The following DMD variants were observed in gnomAD, a reference collection of about 807,000 sequenced individuals.
The protein encoded by DMD is dystrophin.
DMD carries 63 observed loss-of-function variants against 330.1 expected under a neutral mutation model. The ratio of observed to expected loss-of-function variants is 0.19; its 90% CI spans 0.16 to 0.24. The LOEUF (loss-of-function observed/expected upper bound fraction) is 0.24, where lower values mean the gene tolerates loss of function less well. Among genes scored for constraint, DMD ranks in the 10% least tolerant of loss-of-function variants. The probability of loss-of-function intolerance (pLI) is 1.00; values close to 1 mark genes in which losing one functional copy is unlikely to be tolerated. For synonymous variants in DMD, 1,223 were observed against 959.8 expected (o/e 1.27, Z -5.07); for missense variants, 3,344 against 2,684.1 (o/e 1.25, Z -5.43).
intron 52 of DMD, among the ~76,000 whole-genome samples, chrX:31,725,856 A>C (rs1338289013): frequency 8.9e-6 from 1 of 112,650 alleles, no homozygotes; most frequent in Non-Finnish European, 1.9e-5. Flanking sequence ...AAGCAGTTTT[A>C]TCTTTCCAAA....
intron 1 of DMD, among the ~76,000 whole-genome samples, chrX:33,045,388 AGTAAG>A (rs962530385): frequency 8.3e-5 from 9 of 108,340 alleles, no homozygotes; most frequent in African/African-American, 3.0e-4. Context: ...ATCCTTTGCA[AGTAAG>A]GTAAGTTAGG....
At chrX:31,294,885 G>C (rs761791470) in intron 62 of DMD, among the ~76,000 whole-genome samples, 3 of 112,460 alleles carry the variant, frequency 2.7e-5, no homozygotes, top group Non-Finnish European at 5.6e-5. Context: ...TGATTGAAGA[G>C]TGCAGATCCA....
chrX:33,278,517 C>G (rs1396142882), intron 1 of DMD, among the ~76,000 whole-genome samples: 1 of 111,538 alleles, frequency 9.0e-6, no homozygotes, highest in Non-Finnish European at 1.9e-5. Flanking sequence ...TGATTTTTTT[C>G]TTTTTTTATT....
At chrX:31,765,014 C>A (rs886202659) in intron 51 of DMD, among the ~76,000 whole-genome samples, 1 of 107,058 alleles carries the variant, frequency 9.3e-6, no homozygotes, top group South Asian at 4.1e-4. Flanking sequence ...TTAATGAATT[C>A]TTTAAAAATC....
chrX:32,673,131 A>G (rs1224930360), intron 9 of DMD, among the ~76,000 whole-genome samples: 3 of 111,096 alleles, frequency 2.7e-5, no homozygotes, highest in Non-Finnish European at 3.8e-5. Context: ...ACATCATTCT[A>G]GTTTATATGG....
intron 7 of DMD, among the ~76,000 whole-genome samples, chrX:32,717,917 G>C (rs1254679685): frequency 9.0e-6 from 1 of 111,460 alleles, no homozygotes; most frequent in Non-Finnish European, 1.9e-5. Context: ...CACAGGGCCT[G>C]TAACCCCTTT....
chrX:31,319,514 G>C (rs988975452), intron 62 of DMD, among the ~76,000 whole-genome samples: 1 of 112,140 alleles, frequency 8.9e-6, no homozygotes, highest in Admixed American at 9.5e-5. Context: ...CTGAAGTGGG[G>C]AATAGGAAAA....
chrX:32,436,953 T>C (rs867436151), intron 29 of DMD, among the ~76,000 whole-genome samples: 1 of 103,661 alleles, frequency 9.6e-6, no homozygotes, highest in Non-Finnish European at 2.0e-5. Flanking sequence ...ACCCTGTCTT[T>C]AAAAAAAAAA....
intron 51 of DMD, among the ~76,000 whole-genome samples, chrX:31,772,770 C>T (rs1051820935): frequency 6.3e-5 from 7 of 111,471 alleles, no homozygotes; most frequent in African/African-American, 9.8e-5. Context: ...AAAAATGTGG[C>T]TATAATTACT....
At chrX:33,063,713 C>T (rs1013596259) in intron 1 of DMD, among the ~76,000 whole-genome samples, 1 of 110,957 alleles carries the variant, frequency 9.0e-6, no homozygotes, top group Admixed American at 9.7e-5. Flanking sequence ...ACATCAGAAC[C>T]ACCTAGAGAG....
chrX:33,180,245 C>T (rs563558704), intron 1 of DMD, among the ~76,000 whole-genome samples: 153 of 112,060 alleles, frequency 1.4e-3, no homozygotes, highest in African/African-American at 4.7e-3. Context: ...ATATTTATCA[C>T]GCACTTTTTA....
intron 44 of DMD, among the ~76,000 whole-genome samples, chrX:32,163,406 A>T (rs1873058599): frequency 1.8e-5 from 2 of 112,018 alleles, no homozygotes; most frequent in African/African-American, 6.5e-5. Flanking sequence ...TCCCCAAATG[A>T]GTTTACTTAG....
intron 59 of DMD, among the ~76,000 whole-genome samples, chrX:31,475,009 G>A (rs2067647369): frequency 9.0e-6 from 1 of 111,030 alleles, no homozygotes; most frequent in South Asian, 3.8e-4. Context: ...AAGAGCTACC[G>A]AAGGGAGATA....
chrX:31,797,385 G>A (rs1462839551), intron 50 of DMD, among the ~76,000 whole-genome samples: 2 of 110,909 alleles, frequency 1.8e-5, no homozygotes, highest in Non-Finnish European at 3.8e-5. Flanking sequence ...AAATTGAAGA[G>A]GGATAGGTGA....
intron 33 of DMD, among the ~76,000 whole-genome samples, chrX:32,381,004 C>T (rs965827343): frequency 9.0e-6 from 1 of 110,762 alleles, no homozygotes; most frequent in East Asian, 2.8e-4. Flanking sequence ...GAAGATAAAA[C>T]TCATTTCTCA....
chrX:32,298,267 T>A (rs759164525), intron 42 of DMD, among the ~76,000 whole-genome samples: 1 of 110,212 alleles, frequency 9.1e-6, no homozygotes, highest in South Asian at 3.9e-4. Context: ...TGGATCAGAG[T>A]GGAGGCAGGG....
At chrX:32,285,479 T>A (rs1462542503) in intron 43 of DMD, among the ~76,000 whole-genome samples, 1 of 111,852 alleles carries the variant, frequency 8.9e-6, no homozygotes, top group African/African-American at 3.3e-5. Context: ...AGTGGCACAA[T>A]CATGGCTCGT....
At chrX:32,285,277 A>G (rs895554102) in intron 43 of DMD, among the ~76,000 whole-genome samples, 1 of 112,172 alleles carries the variant, frequency 8.9e-6, no homozygotes, top group Non-Finnish European at 1.9e-5. Flanking sequence ...CAGAGGGGGA[A>G]GAACTTCCCA....
chrX:33,150,922 G>T (rs886909663), intron 1 of DMD, among the ~76,000 whole-genome samples: 4 of 111,708 alleles, frequency 3.6e-5, no homozygotes, highest in Non-Finnish European at 5.6e-5. Context: ...CCACAACAGA[G>T]AAATAGACTA....
Sources: allele counts gnomAD v4.1 joint callset (sites outside exome capture counted in the v4.1 genomes callset), GRCh38; gene constraint gnomAD v4.1.1; transcripts MANE v1.5; gene names NCBI Gene and HGNC (gene_info 2026-07-23, HGNC 2026-07-21).